ERCC1: variants seen among roughly 807,000 people sequenced by gnomAD.
The protein encoded by ERCC1 is ERCC excision repair 1, endonuclease non-catalytic subunit.
A neutral mutation model predicts 37.6 loss-of-function variants in ERCC1; 36 were observed. The observed-to-expected ratio is 0.96, with a 90% CI of 0.73 to 1.26. The LOEUF (loss-of-function observed/expected upper bound fraction) is 1.26, where lower values mean the gene tolerates loss of function less well. ERCC1 is among the 50% of genes most tolerant of loss of function. The probability of loss-of-function intolerance (pLI) is 0.00; values close to 1 mark genes in which losing one functional copy is unlikely to be tolerated. For missense variants in ERCC1, 349 were observed against 376.5 expected, an observed-to-expected ratio of 0.93 and a Z score of 0.60; for synonymous variants, 156 against 162.1, an observed-to-expected ratio of 0.96 and a Z score of 0.28.
chr19:45,421,988 G>A (rs558705031), intron 2 of ERCC1, among the ~76,000 whole-genome samples: 57 of 152,040 alleles, frequency 3.7e-4, no homozygotes, highest in African/African-American at 1.3e-3. Context: ...CCTTCCAGAA[G>A]GCTGAGAGCT....
Position 45,413,761 on chromosome 19 carries a change from G to GA in ERCC1, c.775-17dup. On this transcript the variant is annotated splice_polypyrimidine_tract_variant and intron_variant, in intron 8 of 9. Coordinates refer to ENST00000300853, the MANE Select transcript of ERCC1 (RefSeq NM_001983.4). ...GTTCCAGAGACTGAAAGGTGAAAGC[G>GA]AGGGGTCAGGGCAGTTGAGCACAAA... is the stretch of plus-strand genomic sequence containing the variant. 6.2e-7 allele frequency: 1 copy of GA among 1,612,546 alleles called. No individual in the cohort carries two copies. The highest frequency in any genetic ancestry group is 8.5e-7 in the Non-Finnish European group (1 of 1,180,020).
At chr19:45,429,764 G>A (rs955656747) in intron 1 of ERCC1, among the ~76,000 whole-genome samples, 1 of 151,916 alleles carries the variant, frequency 6.6e-6, no homozygotes, top group Admixed American at 6.6e-5. Flanking sequence ...GGTGCCCAGG[G>A]CAATTCCTTT....
chr19:45,441,831 T>C (rs1457757248), intron 1 of ERCC1, among the ~76,000 whole-genome samples: 1 of 151,602 alleles, frequency 6.6e-6, no homozygotes, highest in African/African-American at 2.4e-5. Context: ...GCCAGGCGCA[T>C]GCCACCACGC....
chr19:45,409,883 A>G (rs1973585622), intron 9 of ERCC1, 158 bp from the exon 10 acceptor site: 1 of 250,056 alleles, frequency 4.0e-6, no homozygotes, highest in Non-Finnish European at 6.3e-6. Context: ...TTAAGTTATT[A>G]TTATTATTAT....
Position 45,407,372 on chromosome 19 carries a change from TAC to T in ERCC1, c.*2301_*2302del. On this transcript the variant is annotated 3_prime_UTR_variant, in exon 10 of 10. Transcript: ENST00000300853. ...ACAAGTTTATTGGAAACTACTCCTT[TAC>T]AGAGTAGAGTGTCCTCAGAAAGCAG... 1 of 766,606 alleles carries T rather than the reference TAC, an allele frequency of 1.3e-6. No homozygotes were observed. The highest frequency in any genetic ancestry group is 2.1e-6 in the Non-Finnish European group (1 of 482,910). 47.5% of individuals were successfully genotyped at this position (766,606 alleles called of 1,614,324 possible).
rs546099250 is a variant in ERCC1, at chr19:45,416,006, G to A, written c.602+815C>T. 1.3e-4 allele frequency among the ~76,000 whole-genome samples: 20 copies of A among 152,164 alleles called. No homozygotes were observed. The South Asian group carries it at 1.5e-3, about 11-fold the overall frequency. On this transcript the variant is annotated intron_variant, in intron 6 of 9. Coordinates refer to ENST00000300853, the MANE Select transcript of ERCC1 (RefSeq NM_001983.4). ...AAAAATTAGCCAGGTGTGGTGGCGC[G>A]TGCCTTTAGTCTCAGCTGCTCGGGA...
chr19:45,423,328 G>A lies in ERCC1; in HGVS notation c.47C>T (p.Pro16Leu), dbSNP rs1974555301. Residue 16 changes from proline (P) to leucine (L), a missense_variant, in exon 2 of 10, where the codon CCG becomes CTG. Transcript: ENST00000300853. Reference sequence around the variant, plus strand: ...TATCACAAATTTCTTCCTTGCTGGCGGCCCTGAGGGCTGGGGCACCCCCTC... The same window carrying A: ...TATCACAAATTTCTTCCTTGCTGGCAGCCCTGAGGGCTGGGGCACCCCCTC... Reference protein sequence around the residue: ...DKEGVPQPSGPPARKKFVIPL... With the variant: ...DKEGVPQPSGLPARKKFVIPL... 1 of 1,613,748 alleles carries A rather than the reference G, an allele frequency of 6.2e-7. No individual in the cohort carries two copies. The highest frequency in any genetic ancestry group is 8.5e-7 in the Non-Finnish European group (1 of 1,179,934).
intron 1 of ERCC1, among the ~76,000 whole-genome samples, chr19:45,435,863 C>A (rs774788895): frequency 6.6e-6 from 1 of 152,018 alleles, no homozygotes; most frequent in Non-Finnish European, 1.5e-5. Context: ...CGGATTCAAG[C>A]GATTCTCTCA....
rs547897348 is a variant in ERCC1 at position 45,409,571 on chromosome 19, C to G, written c.*104G>C. 1.3e-5 allele frequency: 21 copies of G among 1,573,176 alleles called. No individual in the cohort carries two copies. In the African/African-American group the frequency reaches 2.8e-4, roughly 21 times the overall value. On this transcript the variant is annotated 3_prime_UTR_variant, in exon 10 of 10. Coordinates refer to ENST00000300853, the MANE Select transcript of ERCC1 (RefSeq NM_001983.4). Reference sequence around the variant, plus strand: ...CACCTGGGCCACCAGAAGGTGACACCCCCAGAATCCCTCCCCAGAGACTGC... The same window carrying G: ...CACCTGGGCCACCAGAAGGTGACACGCCCAGAATCCCTCCCCAGAGACTGC...
upstream of ERCC1, among the ~76,000 whole-genome samples, chr19:45,425,260 G>C (rs1331293318): frequency 1.3e-5 from 2 of 151,170 alleles, no homozygotes; most frequent in Admixed American, 1.3e-4. Flanking sequence ...TTTTATCTAC[G>C]TAAAAGATAA....
chr19:45,408,061 C>T lies in ERCC1; in HGVS notation c.*1614G>A, dbSNP rs5828233. On this transcript the variant is annotated 3_prime_UTR_variant, in exon 10 of 10. Coordinates refer to ENST00000300853, the MANE Select transcript of ERCC1 (RefSeq NM_001983.4). Reference sequence around the variant, plus strand: ...AGAGCAAGACTCTCTCAAAAAAAAACAAAAAAAAAATCAAAAAACCTTCCC... The same window carrying T: ...AGAGCAAGACTCTCTCAAAAAAAAATAAAAAAAAAATCAAAAAACCTTCCC... The T allele has an allele frequency of 7.3e-7, 1 of 1,369,896 alleles. No individual in the cohort carries two copies. Among genetic ancestry groups the T allele is most frequent in the Non-Finnish European group, 9.7e-7 (1 of 1,031,688 alleles). The allele number at this position is 1,369,896 out of a possible 1,614,324, so 84.9% of individuals were successfully genotyped here. A position where few individuals can be genotyped will look rare whatever the true frequency, so the allele number is the denominator to read the frequency against.
At chr19:45,423,424 A>G (rs961642043) in intron 1 of ERCC1, 43 bp from the exon 2 acceptor site, 10 of 1,569,350 alleles carry the variant, frequency 6.4e-6, no homozygotes, top group Non-Finnish European at 8.6e-6. Context: ...ACTGGCGTCT[A>G]CGTTCTCATC....
intron 1 of ERCC1, among the ~76,000 whole-genome samples, chr19:45,430,869 T>G (rs1974813670): frequency 6.6e-6 from 1 of 151,918 alleles, no homozygotes; most frequent in Non-Finnish European, 1.5e-5. Flanking sequence ...ATTGGGCCAC[T>G]GCACTCCAGC....
chr19:45,426,959 TAAAAAAA>T (rs1555789830), upstream of ERCC1, among the ~76,000 whole-genome samples: 4 of 92,466 alleles, frequency 4.3e-5, no homozygotes, highest in Admixed American at 1.2e-4. Context: ...AAACTCCATC[TAAAAAAA>T]AAAAAAAAAA....
At chr19:45,429,435 G>A (rs1429230883) in intron 1 of ERCC1, among the ~76,000 whole-genome samples, 1 of 151,956 alleles carries the variant, frequency 6.6e-6, no homozygotes, top group African/African-American at 2.4e-5. Context: ...ACTCCAGTCT[G>A]GGCAAAAACA....
At chr19:45,427,629 GA>G (rs1158519330), upstream of ERCC1, among the ~76,000 whole-genome samples, 2 of 152,122 alleles carry the variant, frequency 1.3e-5, no homozygotes, top group East Asian at 3.8e-4. Context: ...ACGAAAAAAA[GA>G]AAAAATGAAA....
rs3212986 is a variant in ERCC1 at position 45,409,478 on chromosome 19, C to T, written c.*197G>A. ...CACAGGCCGGGACAAGAAGCGGAAG[C>T]AGCAGCAGCAGCAGCCTGTGTAGTC... is the stretch of plus-strand genomic sequence containing the variant. On this transcript the variant is annotated 3_prime_UTR_variant, in exon 10 of 10. Coordinates refer to ENST00000300853, the MANE Select transcript of ERCC1 (RefSeq NM_001983.4). 1.2e-6 allele frequency: 2 copies of T among 1,605,946 alleles called. No homozygotes were observed. Among genetic ancestry groups the T allele is most frequent in the East Asian group, 2.2e-5 (1 of 44,702 alleles).
intron 1 of ERCC1, among the ~76,000 whole-genome samples, chr19:45,450,068 T>C (rs1967067048): frequency 6.6e-6 from 1 of 152,226 alleles, no homozygotes; most frequent in Non-Finnish European, 1.5e-5. Context: ...CTAAGTGCTT[T>C]ACCGGATTTG....
intron 1 of ERCC1, among the ~76,000 whole-genome samples, chr19:45,442,918 T>C (rs1271146189): frequency 1.3e-5 from 2 of 151,688 alleles, no homozygotes; most frequent in Non-Finnish European, 2.9e-5. Context: ...CTTAATGACA[T>C]CTCAGGGACA....
Sources: gnomAD v4.1 joint callset for allele counts (sites outside exome capture counted in the v4.1 genomes callset) on GRCh38, gnomAD v4.1.1 for gene constraint, MANE v1.5 for transcripts, NCBI Gene and HGNC (gene_info 2026-07-23, HGNC 2026-07-21) for gene names.